Variants in CTNNA2 observed in about 807,000 individuals in gnomAD.
CTNNA2 encodes catenin alpha 2, also known as catenin alpha-2.
In CTNNA2, 42 loss-of-function variants were observed where a neutral mutation model predicts 101.0. The ratio of observed to expected loss-of-function variants is 0.42; its 90% CI spans 0.32 to 0.54. The LOEUF is 0.54. Among genes scored for constraint, CTNNA2 ranks in the 20% least tolerant of loss-of-function variants. The pLI, the probability that CTNNA2 is intolerant of heterozygous loss-of-function variation, is 0.14. For synonymous variants in CTNNA2, 450 were observed against 456.4 expected (o/e 0.99, Z 0.18); for missense variants, 871 against 1,223.1 (o/e 0.71, Z 4.29).
chr2:79,534,665 T>C (rs1672946931), intron 1 of CTNNA2, among the ~76,000 whole-genome samples: 2 of 152,082 alleles, frequency 1.3e-5, no homozygotes, highest in Non-Finnish European at 2.9e-5. Context: ...CTAGTACTGA[T>C]AGTATATTTT....
intron 4 of CTNNA2, among the ~76,000 whole-genome samples, chr2:79,400,658 C>T (rs1402337008): frequency 1.3e-5 from 2 of 151,674 alleles, no homozygotes; most frequent in Non-Finnish European, 2.9e-5. Flanking sequence ...TCTGTAGAAC[C>T]TCATCAGGCA....
intron 3 of CTNNA2, among the ~76,000 whole-genome samples, chr2:79,845,438 G>C (rs1680159734): frequency 6.6e-6 from 1 of 152,076 alleles, no homozygotes; most frequent in Non-Finnish European, 1.5e-5. Context: ...CACACATATA[G>C]CTATGTTCAT....
intron 2 of CTNNA2, among the ~76,000 whole-genome samples, chr2:79,693,359 A>C (rs897751986): frequency 1.3e-5 from 2 of 152,034 alleles, no homozygotes; most frequent in African/African-American, 4.8e-5. Flanking sequence ...ACTTGAAAGC[A>C]TTTGAGAATT....
intron 4 of CTNNA2, among the ~76,000 whole-genome samples, chr2:79,466,233 C>T (rs969802689): frequency 6.6e-6 from 1 of 152,230 alleles, no homozygotes; most frequent in African/African-American, 2.4e-5. Context: ...GAGATTATAT[C>T]CTGCACCTGG....
chr2:79,417,200 G>A (rs761287552), intron 4 of CTNNA2, among the ~76,000 whole-genome samples: 4 of 152,052 alleles, frequency 2.6e-5, no homozygotes, highest in Non-Finnish European at 5.9e-5. Context: ...ACAATTTGGT[G>A]TTTAGGGAAG....
chr2:79,742,761 G>A (rs372324049), intron 2 of CTNNA2, among the ~76,000 whole-genome samples: 2 of 152,112 alleles, frequency 1.3e-5, no homozygotes, highest in South Asian at 4.2e-4. Flanking sequence ...TAATGATTTT[G>A]CCATTTTTTT....
At chr2:80,461,525 T>C (rs1186032138) in intron 9 of CTNNA2, among the ~76,000 whole-genome samples, 1 of 152,186 alleles carries the variant, frequency 6.6e-6, no homozygotes, top group African/African-American at 2.4e-5. Context: ...CTAAATAAAG[T>C]CTGCCTTATC....
intron 7 of CTNNA2, among the ~76,000 whole-genome samples, chr2:80,003,037 GT>G (rs377521519): frequency 6.6e-5 from 10 of 152,116 alleles, no homozygotes; most frequent in African/African-American, 2.2e-4. Context: ...GGTAAAACGT[GT>G]TTTAAAAGCC....
intron 2 of CTNNA2, among the ~76,000 whole-genome samples, chr2:79,739,772 G>C (rs1419023808): frequency 6.6e-6 from 1 of 152,202 alleles, no homozygotes; most frequent in Non-Finnish European, 1.5e-5. Flanking sequence ...GGGCCACCTT[G>C]TGGCTCCCAC....
chr2:79,586,358 TA>T (rs35903949), intron 1 of CTNNA2, among the ~76,000 whole-genome samples: 117,377 of 152,026 alleles, frequency 0.77, 45,530 homozygotes, highest in South Asian at 0.8. Context: ...AGATGTGTGA[TA>T]ATCTGGCATC....
intron 7 of CTNNA2, among the ~76,000 whole-genome samples, chr2:79,959,247 C>CT (rs1270022806): frequency 2.0e-5 from 3 of 152,070 alleles, no homozygotes; most frequent in East Asian, 1.9e-4. Flanking sequence ...AGATTTGTTA[C>CT]TTTTTTTTCA....
At chr2:79,342,116 C>T (rs1677151659) in intron 3 of CTNNA2, among the ~76,000 whole-genome samples, 1 of 152,184 alleles carries the variant, frequency 6.6e-6, no homozygotes, top group Non-Finnish European at 1.5e-5. Context: ...GCAGCAACTT[C>T]TGTGTAGCTC....
chr2:79,270,449 C>G (rs1318408254), intron 2 of CTNNA2, among the ~76,000 whole-genome samples: 1 of 152,096 alleles, frequency 6.6e-6, no homozygotes, highest in African/African-American at 2.4e-5. Flanking sequence ...TTCTAACAAC[C>G]CCCTGCTTTG....
intron 7 of CTNNA2, among the ~76,000 whole-genome samples, chr2:79,950,860 G>A (rs1192166535): frequency 6.6e-6 from 1 of 152,124 alleles, no homozygotes; most frequent in African/African-American, 2.4e-5. Flanking sequence ...ACCATACACA[G>A]GTGTTTGGGT....
At chr2:79,214,278 C>A (rs533045508) in intron 2 of CTNNA2, among the ~76,000 whole-genome samples, 1 of 151,806 alleles carries the variant, frequency 6.6e-6, no homozygotes, top group Admixed American at 6.6e-5. Flanking sequence ...CAAGTGAAAG[C>A]GAAGAGAGGC....
At chr2:79,922,278 AT>A (rs1441536199) in intron 7 of CTNNA2, among the ~76,000 whole-genome samples, 4 of 152,108 alleles carry the variant, frequency 2.6e-5, no homozygotes, top group Admixed American at 2.0e-4. Flanking sequence ...CATCATTTGC[AT>A]ATTATGTAAG....
intron 7 of CTNNA2, among the ~76,000 whole-genome samples, chr2:80,081,637 T>C (rs2148804272): frequency 6.6e-6 from 1 of 152,286 alleles, no homozygotes; most frequent in East Asian, 1.9e-4. Context: ...AACTTTATTT[T>C]CCCTCATAAA....
At chr2:79,354,435 C>CT (rs1677460936) in intron 3 of CTNNA2, among the ~76,000 whole-genome samples, 1 of 152,102 alleles carries the variant, frequency 6.6e-6, no homozygotes, top group Non-Finnish European at 1.5e-5. Context: ...TGTCTTCCAG[C>CT]TCTTGGATTC....
chr2:80,083,160 T>C (rs957363673), intron 7 of CTNNA2, among the ~76,000 whole-genome samples: 2 of 152,136 alleles, frequency 1.3e-5, no homozygotes, highest in African/African-American at 4.8e-5. Context: ...TTATCATGAA[T>C]AGACTGGGGC....
Sources: allele counts gnomAD v4.1 joint callset (sites outside exome capture counted in the v4.1 genomes callset), GRCh38; gene constraint gnomAD v4.1.1; transcripts MANE v1.5; gene names NCBI Gene and HGNC (gene_info 2026-07-23, HGNC 2026-07-21).